Variants in AGPAT5 observed in about 807,000 individuals in gnomAD.
AGPAT5 encodes 1-acyl-sn-glycerol-3-phosphate acyltransferase epsilon.
A neutral mutation model predicts 45.6 loss-of-function variants in AGPAT5; 46 were observed. That is an observed-to-expected ratio of 1.01 (90% CI 0.80 to 1.29). The LOEUF (loss-of-function observed/expected upper bound fraction) is 1.29. Ranked by LOEUF, AGPAT5 falls within the 50% of genes most tolerant of loss-of-function variation. The probability of loss-of-function intolerance (pLI) is 0.00; values close to 1 mark genes in which losing one functional copy is unlikely to be tolerated. For missense variants in AGPAT5, 673 were observed against 450.7 expected, an observed-to-expected ratio of 1.49 and a Z score of -4.47; for synonymous variants, 272 against 167.0, an observed-to-expected ratio of 1.63 and a Z score of -4.85.
intron 2 of AGPAT5, among the ~76,000 whole-genome samples, chr8:6,728,047 C>T (rs1185109237): frequency 1.3e-5 from 2 of 152,136 alleles, no homozygotes; most frequent in Admixed American, 6.5e-5. Context: ...GGCAGGGAAG[C>T]GCTGCACATG....
At chr8:6,733,271 T>C (rs750405766) in intron 4 of AGPAT5, among the ~76,000 whole-genome samples, 1 of 152,204 alleles carries the variant, frequency 6.6e-6, no homozygotes, top group Non-Finnish European at 1.5e-5. Flanking sequence ...GTACATGACA[T>C]GTGCTCAGAA....
chr8:6,731,489 G>A (rs1336872727), intron 3 of AGPAT5, among the ~76,000 whole-genome samples: 1 of 151,842 alleles, frequency 6.6e-6, no homozygotes, highest in African/African-American at 2.4e-5. Context: ...GTAAATGGTT[G>A]TTATACTTTA....
intron 6 of AGPAT5, among the ~76,000 whole-genome samples, chr8:6,753,864 C>G (rs1428808098): frequency 1.3e-5 from 2 of 152,104 alleles, no homozygotes; most frequent in East Asian, 3.8e-4. Context: ...TTTTGATCAC[C>G]TAAATGCTGC....
At position 6,713,755 on chromosome 8, in the gene AGPAT5, C is replaced by T. The variant is rs539143382; in HGVS notation, c.219+4868C>T. On this transcript the variant is annotated intron_variant, in intron 1 of 7. Transcript: ENST00000285518. ...TGGTATTTTTTAGTGGGGGTAGAGA[C>T]GAGATTTTGCCATATTGCCCAGTCT... is the stretch of plus-strand genomic sequence containing the variant. 1.1e-4 allele frequency among the ~76,000 whole-genome samples: 17 copies of T among 151,892 alleles called. No individual in the cohort carries two copies. In the East Asian group the frequency reaches 2.1e-3, roughly 19 times the overall value.
chr8:6,754,924 T>G, intron 6 of AGPAT5, 127 bp from the exon 7 acceptor site: 1 of 735,734 alleles, frequency 1.4e-6, no homozygotes, highest in Non-Finnish European at 2.0e-6. Context: ...TTATTTTTCC[T>G]AAGGAATCTG....
chr8:6,730,863 G>C (rs1204397010), intron 3 of AGPAT5, 37 bp downstream of exon 3: 1 of 1,224,628 alleles, frequency 8.2e-7, no homozygotes, highest in East Asian at 2.5e-5. Flanking sequence ...TATATATGTA[G>C]TTTATAAATT....
At chr8:6,726,875 T>C (rs1243021217) in intron 2 of AGPAT5, among the ~76,000 whole-genome samples, 1 of 152,188 alleles carries the variant, frequency 6.6e-6, no homozygotes, top group African/African-American at 2.4e-5. Flanking sequence ...TTCTGTAAGT[T>C]GAGAAAATAC....
At chr8:6,720,852 G>A (rs1431852524) in intron 1 of AGPAT5, among the ~76,000 whole-genome samples, 1 of 152,142 alleles carries the variant, frequency 6.6e-6, no homozygotes, top group African/African-American at 2.4e-5. Context: ...AAACAGCCAT[G>A]TGTCTCATTG....
At chr8:6,756,885 A>G (rs959697228) in intron 7 of AGPAT5, among the ~76,000 whole-genome samples, 1 of 152,192 alleles carries the variant, frequency 6.6e-6, no homozygotes, top group African/African-American at 2.4e-5. Flanking sequence ...AACTTTATCA[A>G]AAGTTTAAAA....
chr8:6,733,212 C>T (rs75840712), intron 4 of AGPAT5, among the ~76,000 whole-genome samples: 4,238 of 152,290 alleles, frequency 0.028, 188 homozygotes, highest in African/African-American at 0.097. Context: ...TGGTTCCCTC[C>T]GGAGACAAAG....
chr8:6,724,158 T>C (rs577681415), intron 1 of AGPAT5, among the ~76,000 whole-genome samples: 26 of 152,344 alleles, frequency 1.7e-4, no homozygotes, highest in African/African-American at 6.3e-4. Flanking sequence ...ACTGGAATGA[T>C]GTTTCTCTCA....
At chr8:6,732,712 A>G in intron 4 of AGPAT5, 62 bp downstream of exon 4, 1 of 1,326,380 alleles carries the variant, frequency 7.5e-7, no homozygotes, top group Non-Finnish European at 1.0e-6. Flanking sequence ...TAAGAATTAA[A>G]TTAAAATCTA....
At chr8:6,732,420 T>C in intron 3 of AGPAT5, 141 bp from the exon 4 acceptor site, 2 of 543,156 alleles carry the variant, frequency 3.7e-6, no homozygotes, top group Non-Finnish European at 6.2e-6. Context: ...GAAGCTAATG[T>C]TTGAAGATAT....
At position 6,760,350 on chromosome 8, in the gene AGPAT5, GACAT is replaced by G. The variant is rs1369352776; in HGVS notation, c.*2965_*2968del. ...GAGGTTGAGATTGCAGTGAGCCATG[GACAT>G]ACCACTGCACTACAGCCTAGGTAAC... On this transcript the variant is annotated 3_prime_UTR_variant, in exon 8 of 8. Transcript: ENST00000285518. 2.0e-5 allele frequency among the ~76,000 whole-genome samples: 3 copies of G among 152,170 alleles called. No homozygotes were observed. The highest frequency in any genetic ancestry group is 2.0e-4 in the Admixed American group (3 of 15,280).
In AGPAT5 at chr8:6,708,713, G is replaced by C. The variant is rs370014915; in HGVS notation, c.45G>C (p.Leu15=). The C allele has an allele frequency of 6.2e-7, 1 of 1,605,914 alleles. No homozygotes were observed. The highest frequency in any genetic ancestry group is 8.5e-7 in the Non-Finnish European group (1 of 1,179,572). The change falls in exon 1 of 8, where the codon CTG becomes CTC. Residue 15 remains leucine (L), a synonymous_variant. Coordinates refer to ENST00000285518, the MANE Select transcript of AGPAT5 (RefSeq NM_018361.5). ...TCCACACGTACTCCATGCGCTACCT[G>C]CTGCCCAGCGTCGTGCTCCTGGGCA... The part of the protein sequence containing the change: ...LVLHTYSMRY[L]LPSVVLLGTA...
chr8:6,713,774 C>A (rs904748409), intron 1 of AGPAT5, among the ~76,000 whole-genome samples: 1 of 151,990 alleles, frequency 6.6e-6, no homozygotes, highest in African/African-American at 2.4e-5. Flanking sequence ...GCCATATTGC[C>A]CAGTCTGGTT....
At chr8:6,724,974 C>G in intron 2 of AGPAT5, 35 bp downstream of exon 2, 1 of 850,016 alleles carries the variant, frequency 1.2e-6, no homozygotes, top group Non-Finnish European at 1.6e-6. Context: ...ATAGGTTTTT[C>G]TACAGATGGC....
chr8:6,712,617 G>C (rs1016178847), intron 1 of AGPAT5, among the ~76,000 whole-genome samples: 2 of 152,146 alleles, frequency 1.3e-5, no homozygotes, highest in African/African-American at 4.8e-5. Context: ...TAAAAGGAAA[G>C]TTGGAGTACT....
At chr8:6,713,813 C>T (rs1800233829) in intron 1 of AGPAT5, among the ~76,000 whole-genome samples, 1 of 152,152 alleles carries the variant, frequency 6.6e-6, no homozygotes, top group African/African-American at 2.4e-5. Flanking sequence ...GTGATCCGTC[C>T]TTGATCCACC....
Sources: gnomAD v4.1 joint callset for allele counts (sites outside exome capture counted in the v4.1 genomes callset) on GRCh38, gnomAD v4.1.1 for gene constraint, MANE v1.5 for transcripts, NCBI Gene and HGNC (gene_info 2026-07-23, HGNC 2026-07-21) for gene names.